The following CREB5 variants were observed in gnomAD, a reference collection of about 807,000 sequenced individuals.
CREB5 encodes the protein cAMP responsive element binding protein 5, also known as cyclic AMP-responsive element-binding protein 5.
Under a neutral mutation model 57.1 loss-of-function variants are expected in CREB5, and 19 were observed. The observed-to-expected ratio is 0.33, with a 90% CI of 0.23 to 0.49. The LOEUF (loss-of-function observed/expected upper bound fraction) is 0.49, where lower values mean the gene tolerates loss of function less well. Ranked by LOEUF, CREB5 falls within the 20% of genes least tolerant of loss-of-function variation. CREB5 has a pLI of 0.99. For synonymous variants in CREB5, 238 were observed against 238.3 expected, an observed-to-expected ratio of 1.00 and a Z score of 0.01; for missense variants, 579 against 671.6, an observed-to-expected ratio of 0.86 and a Z score of 1.52.
chr7:28,821,489 GAAAA>G lies in CREB5; in HGVS notation c.*2214_*2217del, dbSNP rs1399239931. The G allele has an allele frequency of 2.0e-5, 3 of 149,734 alleles. No individual in the cohort carries two copies. The highest frequency in any genetic ancestry group is 4.4e-5 in the Non-Finnish European group (3 of 67,486). The allele number at this position is 149,734 out of a possible 1,614,324, so 9.3% of individuals were successfully genotyped here. A position where few individuals can be genotyped will look rare whatever the true frequency, so the allele number is the denominator to read the frequency against. On this transcript the variant is annotated 3_prime_UTR_variant, in exon 11 of 11. Coordinates refer to ENST00000357727, the MANE Select transcript of CREB5 (RefSeq NM_182898.4). ...AAAAAAAAAGCAAAAAAAGAAAAGA[GAAAA>G]AAAGAAAAAATGCAAATGGAATAAT... is the stretch of plus-strand genomic sequence containing the variant.
chr7:28,608,607 A>G (rs1797263128), intron 5 of CREB5, among the ~76,000 whole-genome samples: 1 of 152,086 alleles, frequency 6.6e-6, no homozygotes, highest in Non-Finnish European at 1.5e-5. Flanking sequence ...AGCACAGCAC[A>G]TTGAACAGGC....
intron 5 of CREB5, among the ~76,000 whole-genome samples, chr7:28,630,761 C>T (rs1007051790): frequency 1.3e-5 from 2 of 152,080 alleles, no homozygotes; most frequent in Non-Finnish European, 2.9e-5. Flanking sequence ...TATTTTCAAC[C>T]ATTTTCTACT....
At chr7:28,814,256 T>A (rs921776140) in intron 9 of CREB5, among the ~76,000 whole-genome samples, 6 of 152,174 alleles carry the variant, frequency 3.9e-5, no homozygotes, top group Non-Finnish European at 7.4e-5. Flanking sequence ...AATCAGTCTT[T>A]CACTATGGAA....
intron 1 of CREB5, among the ~76,000 whole-genome samples, chr7:28,390,233 G>A (rs957879830): frequency 1.3e-5 from 2 of 152,108 alleles, no homozygotes; most frequent in Non-Finnish European, 2.9e-5. Context: ...AGCAAGAACG[G>A]TGTTCACGGA....
chr7:28,754,213 G>A (rs1805156290), intron 7 of CREB5, among the ~76,000 whole-genome samples: 2 of 152,174 alleles, frequency 1.3e-5, no homozygotes. Flanking sequence ...TTTCTGCAGT[G>A]TGGTGCACCA....
intron 5 of CREB5, among the ~76,000 whole-genome samples, chr7:28,665,272 G>A (rs879321167): frequency 2.6e-5 from 4 of 152,062 alleles, no homozygotes; most frequent in Non-Finnish European, 4.4e-5. Context: ...TGTTGCCTGC[G>A]TCTCCTACAG....
intron 1 of CREB5, among the ~76,000 whole-genome samples, chr7:28,443,863 C>T (rs1016692448): frequency 6.6e-6 from 1 of 152,114 alleles, no homozygotes; most frequent in Non-Finnish European, 1.5e-5. Context: ...CTTGACCCAG[C>T]CCCAGATACC....
At chr7:28,733,409 A>T (rs1465083358) in intron 7 of CREB5, among the ~76,000 whole-genome samples, 1 of 152,064 alleles carries the variant, frequency 6.6e-6, no homozygotes, top group Non-Finnish European at 1.5e-5. Flanking sequence ...TCTGCACACC[A>T]TGATCTCGCT....
chr7:28,681,493 G>A (rs930059769), intron 5 of CREB5, among the ~76,000 whole-genome samples: 27 of 152,168 alleles, frequency 1.8e-4, no homozygotes, highest in Non-Finnish European at 2.9e-4. Flanking sequence ...CTCAGCCCCA[G>A]TAGCAGGACT....
At chr7:28,674,461 C>T (rs529522808) in intron 5 of CREB5, among the ~76,000 whole-genome samples, 19 of 152,192 alleles carry the variant, frequency 1.2e-4, no homozygotes, top group Non-Finnish European at 2.4e-4. Context: ...TCCTTCTCTG[C>T]CCACCTCTTA....
At chr7:28,653,195 C>T (rs950039053) in intron 5 of CREB5, among the ~76,000 whole-genome samples, 2 of 152,130 alleles carry the variant, frequency 1.3e-5, no homozygotes, top group African/African-American at 2.4e-5. Context: ...GAAGAGCCAT[C>T]CATAAATAAA....
chr7:28,764,359 T>TAAA (rs397740035), intron 7 of CREB5, among the ~76,000 whole-genome samples: 1 of 148,350 alleles, frequency 6.7e-6, no homozygotes. Flanking sequence ...AATTCTCCTG[T>TAAA]AAAAAAAAAA....
At chr7:28,756,687 C>A (rs1396922264) in intron 7 of CREB5, among the ~76,000 whole-genome samples, 1 of 152,164 alleles carries the variant, frequency 6.6e-6, no homozygotes, top group African/African-American at 2.4e-5. Context: ...ATATCCCTAA[C>A]CACCATGACT....
intron 5 of CREB5, among the ~76,000 whole-genome samples, chr7:28,662,276 C>G (rs1385799171): frequency 1.3e-5 from 2 of 152,176 alleles, no homozygotes; most frequent in Non-Finnish European, 2.9e-5. Context: ...ATGGTTTGGA[C>G]AAGACGTTGA....
At chr7:28,532,577 TGGATC>T (rs918099778) in intron 4 of CREB5, among the ~76,000 whole-genome samples, 9 of 152,198 alleles carry the variant, frequency 5.9e-5, no homozygotes, top group African/African-American at 2.2e-4. Flanking sequence ...TCGGGTCTCG[TGGATC>T]GGAAGGTTTT....
At chr7:28,623,713 T>C (rs930311507) in intron 5 of CREB5, among the ~76,000 whole-genome samples, 5 of 152,214 alleles carry the variant, frequency 3.3e-5, no homozygotes, top group Non-Finnish European at 7.3e-5. Flanking sequence ...ATGATAAGTC[T>C]CTTCATGTCA....
chr7:28,598,441 T>C (rs1038658802), intron 5 of CREB5, among the ~76,000 whole-genome samples: 2 of 152,178 alleles, frequency 1.3e-5, no homozygotes, highest in African/African-American at 4.8e-5. Flanking sequence ...GAGGGTCTTT[T>C]GTGTGTGGTG....
chr7:28,809,496 C>G (rs1007805136), intron 9 of CREB5, 82 bp downstream of exon 9: 122 of 1,297,000 alleles, frequency 9.4e-5, no homozygotes, highest in Non-Finnish European at 1.2e-4. Flanking sequence ...CACTTGTTGA[C>G]CTAAGCAGTG....
intron 7 of CREB5, among the ~76,000 whole-genome samples, chr7:28,786,331 C>G (rs922913510): frequency 1.3e-5 from 2 of 152,136 alleles, no homozygotes; most frequent in Admixed American, 6.5e-5. Context: ...ACTGCAACCT[C>G]CGCCCCCTAG....
Sources: allele counts gnomAD v4.1 joint callset (sites outside exome capture counted in the v4.1 genomes callset), GRCh38; gene constraint gnomAD v4.1.1; transcripts MANE v1.5; gene names NCBI Gene and HGNC (gene_info 2026-07-23, HGNC 2026-07-21).